The following KMT2A variants were observed in gnomAD, a reference collection of about 807,000 sequenced individuals.
The protein encoded by KMT2A is lysine methyltransferase 2A.
KMT2A carries 16 observed loss-of-function variants against 345.3 expected under a neutral mutation model. The observed-to-expected ratio is 0.05, with a 90% CI of 0.03 to 0.07. KMT2A has a LOEUF of 0.07. KMT2A is among the 10% of genes least tolerant of loss of function. The pLI, the probability that KMT2A is intolerant of heterozygous loss-of-function variation, is 1.00. For missense variants in KMT2A, 3,272 were observed against 4,841.6 expected, an observed-to-expected ratio of 0.68 and a Z score of 9.62; for synonymous variants, 1,599 against 1,778.6, an observed-to-expected ratio of 0.90 and a Z score of 2.54.
rs782655113 is a variant in KMT2A at position 118,503,009 on chromosome 11, C to A, written c.7117C>A (p.Leu2373Ile). Residue 2373 changes from leucine (L) to isoleucine (I), a missense_variant, in exon 27 of 36, where the codon CTC becomes ATC. This residue lies in a region of KMT2A where 445 missense variants were observed against 500.9 expected (regional missense o/e 0.89). Transcript: ENST00000534358. The surrounding 1 kb of genome is among the most constrained non-coding windows in gnomAD (Gnocchi z 5.3). ...TAAAGAGGCCCTCTCCTTCCCACAC[C>A]TCCATTTGAGAGGGCAAAGGAATGA... is the stretch of plus-strand genomic sequence containing the variant. Reference protein sequence around the residue: ...SSKEALSFPHLHLRGQRNDRD... With the variant: ...SSKEALSFPHIHLRGQRNDRD... 1 of 1,614,026 alleles carries A rather than the reference C, an allele frequency of 6.2e-7. No homozygotes were observed. Among genetic ancestry groups the A allele is most frequent in the South Asian group, 1.1e-5 (1 of 91,080 alleles).
intron 11 of KMT2A, 34 bp from the exon 12 acceptor site, chr11:118,489,758 A>G (rs1160782910): frequency 1.3e-6 from 2 of 1,573,618 alleles, no homozygotes; most frequent in African/African-American, 2.7e-5. Context: ...AGGTAATATG[A>G]TGCTTATCTT....
chr11:118,488,823 A>C, intron 11 of KMT2A, 63 bp downstream of exon 11: 1 of 1,496,102 alleles, frequency 6.7e-7, no homozygotes. Flanking sequence ...GTATCCCTGG[A>C]CTCAACCAAC....
Position 118,502,545 on chromosome 11 carries a change from C to T in KMT2A, c.6653C>T (p.Thr2218Ile). The stretch of plus-strand genomic sequence containing the variant: ...CTCCGGATAATGTCTCCAATGAGAA[C>T]TGGGAATACTTACTCTAGGAATAAT... ...SKLRIMSPMR[T>I]GNTYSRNNVS... Residue 2218 changes from threonine to isoleucine, a missense_variant, in exon 27 of 36, where the codon ACT (threonine) becomes ATT (isoleucine). Physicochemically the swap from Thr to Ile is moderately conservative, Grantham distance 89. This residue lies in a region of KMT2A where 445 missense variants were observed against 500.9 expected (regional missense o/e 0.89). Coordinates refer to ENST00000534358, the MANE Select transcript of KMT2A (RefSeq NM_001197104.2). The surrounding 1 kb of genome is among the most constrained non-coding windows in gnomAD (Gnocchi z 4.9). 6.2e-7 allele frequency: 1 copy of T among 1,614,126 alleles called. No homozygotes were observed.
chr11:118,497,894 CATT>C lies in KMT2A; in HGVS notation c.5665-39_5665-37del. ...TAATGCCGAGGAAAACCTCCTTTGG[CATT>C]ATATTCTTTAGGAAAAAAGAAATCT... On this transcript the variant is annotated intron_variant, in intron 20 of 35. Coordinates refer to ENST00000534358, the MANE Select transcript of KMT2A (RefSeq NM_001197104.2). This position sits in a 1 kb window ranked among gnomAD's most constrained non-coding sequence, Gnocchi z 4.8. 6.5e-7 allele frequency: 1 copy of C among 1,529,476 alleles called. No individual in the cohort carries two copies. Among genetic ancestry groups the C allele is most frequent in the Non-Finnish European group, 9.0e-7 (1 of 1,107,100 alleles). The allele number at this position is 1,529,476 out of a possible 1,614,324, so 94.7% of individuals were successfully genotyped here.
Position 118,493,066 on chromosome 11 carries a change from C to T in KMT2A, c.5014C>T (p.Pro1672Ser), listed in dbSNP as rs1555042989. 6.2e-7 allele frequency: 1 copy of T among 1,612,644 alleles called. No individual in the cohort carries two copies. The highest frequency in any genetic ancestry group is 8.5e-7 in the Non-Finnish European group (1 of 1,179,194). The change falls in exon 16 of 36, where the codon CCT becomes TCT. Residue 1672 changes from proline to serine, a missense_variant. Physicochemically the swap from Pro to Ser is moderately conservative, Grantham distance 74. Coordinates refer to ENST00000534358, the MANE Select transcript of KMT2A (RefSeq NM_001197104.2). This position sits in a 1 kb window ranked among gnomAD's most constrained non-coding sequence, Gnocchi z 5.8. ...HLLRYRQAAK[P>S]PDLNPETEES... ...TCTTTCCTGGCAATAGGCTGCCAAG[C>T]CTCCAGACTTAAATCCCGAGACAGA...
chr11:118,452,534 A>C (rs1487556882), intron 1 of KMT2A, among the ~76,000 whole-genome samples: 1 of 152,114 alleles, frequency 6.6e-6, no homozygotes, highest in African/African-American at 2.4e-5. Context: ...CCTGTCTCAA[A>C]AAACAAAACT....
chr11:118,466,076 AT>A (rs1565274402), intron 1 of KMT2A, among the ~76,000 whole-genome samples: 1 of 152,014 alleles, frequency 6.6e-6, no homozygotes, highest in Non-Finnish European at 1.5e-5. Context: ...TTACTTTTAG[AT>A]TTTTTTTAGA....
chr11:118,473,193 G>C lies in KMT2A; in HGVS notation c.2034G>C (p.Leu678Phe). 1 of 1,613,772 alleles carries C rather than the reference G, an allele frequency of 6.2e-7. No individual in the cohort carries two copies. The highest frequency in any genetic ancestry group is 8.5e-7 in the Non-Finnish European group (1 of 1,179,900). ...SASGTAASAR[L>F]FSPLHSGTRF... The stretch of plus-strand genomic sequence containing the variant: ...CTGGTACCGCTGCTTCAGCCCGATT[G>C]TTTTCGCCACTCCATTCTGGAACAA... Residue 678 changes from leucine (L) to phenylalanine (F), a missense_variant, in exon 3 of 36, where the codon TTG (leucine) becomes TTC (phenylalanine). Leu to Phe is a conservative substitution (Grantham distance 22). This residue lies in a region of KMT2A where 114 missense variants were observed against 203.2 expected (regional missense o/e 0.56). Transcript: ENST00000534358. This position sits in a 1 kb window ranked among gnomAD's most constrained non-coding sequence, Gnocchi z 5.2.
At chr11:118,489,543 C>T (rs1330265978) in intron 11 of KMT2A, among the ~76,000 whole-genome samples, 1 of 152,082 alleles carries the variant, frequency 6.6e-6, no homozygotes, top group Non-Finnish European at 1.5e-5. Context: ...TAGCAGAAAA[C>T]ATGATGTTGA....
In KMT2A at chr11:118,436,581, G is replaced by A. The variant is rs782345654; in HGVS notation, c.69G>A (p.Gly23=). The change falls in exon 1 of 36, where the codon GGG becomes GGA. Residue 23 remains glycine (G), a synonymous_variant. Coordinates refer to ENST00000534358, the MANE Select transcript of KMT2A (RefSeq NM_001197104.2). This position sits in a 1 kb window ranked among gnomAD's most constrained non-coding sequence, Gnocchi z 6.9. ...PGTTGGGGGG[G]RRGLGGAPRQ... ...CCACCGGGGGCGGCGGCGGCGGGGG[G>A]CGCCGGGGCCTAGGGGGCGCCCCGC... is the stretch of plus-strand genomic sequence containing the variant. The A allele has an allele frequency of 2.5e-6, 3 of 1,182,776 alleles. No individual in the cohort carries two copies. In the African/African-American group the frequency reaches 4.8e-5, roughly 19 times the overall value. The allele number at this position is 1,182,776 out of a possible 1,614,324, so 73.3% of individuals were successfully genotyped here.
At chr11:118,489,145 C>T (rs1384308442) in intron 11 of KMT2A, among the ~76,000 whole-genome samples, 1 of 139,098 alleles carries the variant, frequency 7.2e-6, no homozygotes, top group African/African-American at 2.7e-5. Flanking sequence ...ATCGCTTGAA[C>T]TTTGGAGGCA....
Position 118,495,616 on chromosome 11 carries a change from C to CA in KMT2A, c.5364-83dup. ...TGTGAATGGCTCCTACATGGGGCAA[C>CA]AGGTGATATCAAGAATTTATTTTAT... On this transcript the variant is annotated intron_variant, in intron 18 of 35. Transcript: ENST00000534358. This position sits in a 1 kb window ranked among gnomAD's most constrained non-coding sequence, Gnocchi z 4.1. 1 of 1,054,720 alleles carries CA rather than the reference C, an allele frequency of 9.5e-7. No individual in the cohort carries two copies. Among genetic ancestry groups the CA allele is most frequent in the East Asian group, 2.6e-5 (1 of 38,624 alleles). 65.3% of individuals were successfully genotyped at this position (1,054,720 alleles called of 1,614,324 possible).
At chr11:118,468,885 TG>T (rs1555034809) in intron 2 of KMT2A, 41 bp downstream of exon 2, 1 of 1,527,846 alleles carries the variant, frequency 6.5e-7, no homozygotes, top group Non-Finnish European at 9.1e-7. Flanking sequence ...AAGTTTTGTT[TG>T]TTAGGAGATT....
chr11:118,486,375 GTT>G (rs11445156), intron 10 of KMT2A, among the ~76,000 whole-genome samples: 1 of 146,624 alleles, frequency 6.8e-6, no homozygotes, highest in Non-Finnish European at 1.5e-5. Context: ...TGTTTCTCTG[GTT>G]TTTTTTTTTT....
chr11:118,502,996 C>G lies in KMT2A; in HGVS notation c.7104C>G (p.Leu2368=), dbSNP rs782220782. The G allele has an allele frequency of 8.1e-6, 13 of 1,614,128 alleles. No homozygotes were observed. The highest frequency in any genetic ancestry group is 1.1e-5 in the Non-Finnish European group (13 of 1,180,024). The change falls in exon 27 of 36, where the codon CTC becomes CTG. Residue 2368 remains leucine (L), a synonymous_variant. Transcript: ENST00000534358. The surrounding 1 kb of genome is among the most constrained non-coding windows in gnomAD (Gnocchi z 4.9). ...SSVSFSSKEA[L]SFPHLHLRGQ... is the part of the protein sequence containing the mutation. Reference sequence around the variant, plus strand: ...TGTCGTTTTCTTCTAAAGAGGCCCTCTCCTTCCCACACCTCCATTTGAGAG... The same window carrying G: ...TGTCGTTTTCTTCTAAAGAGGCCCTGTCCTTCCCACACCTCCATTTGAGAG...
chr11:118,448,299 G>T (rs570289240), intron 1 of KMT2A: 1 of 152,266 alleles, frequency 6.6e-6, no homozygotes, highest in East Asian at 1.9e-4. Flanking sequence ...AATAGCTCTT[G>T]TTAAGGCTGT....
chr11:118,458,851 AT>A lies in KMT2A; in HGVS notation c.433-9921del, dbSNP rs1193660593. 5.3e-5 allele frequency among the ~76,000 whole-genome samples: 8 copies of A among 152,264 alleles called. 1 individual carries two copies. In the South Asian group the frequency reaches 1.2e-3, roughly 24 times the overall value. ...AAGATGCACAGTTTGCCTCCTGGAT[AT>A]TTCTTCAACTTTAGTTGTTCTCAGT... On this transcript the variant is annotated intron_variant, in intron 1 of 35. Transcript: ENST00000534358.
Position 118,490,235 on chromosome 11 carries a change from A to C in KMT2A, c.4682A>C (p.Lys1561Thr), listed in dbSNP as rs1950304009. The C allele has an allele frequency of 6.4e-7, 1 of 1,564,968 alleles. No individual in the cohort carries two copies. Among genetic ancestry groups the C allele is most frequent in the East Asian group, 2.3e-5 (1 of 43,920 alleles). Reference sequence around the variant, plus strand: ...TTCTCACTGTGTCATGATTGCGCCAAGCTCTTTGCTAAAGGTACCCAAAAA... The same window carrying C: ...TTCTCACTGTGTCATGATTGCGCCACGCTCTTTGCTAAAGGTACCCAAAAA... ...HDFSLCHDCA[K>T]LFAKGNFCPL... Residue 1561 changes from lysine to threonine, a missense_variant, in exon 13 of 36, where the codon AAG (lysine) becomes ACG (threonine). By Grantham distance (78) the Lys-to-Thr change is moderately conservative. Transcript: ENST00000534358. The surrounding 1 kb of genome is among the most constrained non-coding windows in gnomAD (Gnocchi z 4.2).
At position 118,510,581 on chromosome 11, in the gene KMT2A, C is replaced by T. The variant is rs563235715; in HGVS notation, c.11071+463C>T. 1.2e-4 allele frequency among the ~76,000 whole-genome samples: 19 copies of T among 152,176 alleles called. No individual in the cohort carries two copies. Among genetic ancestry groups the T allele is most frequent in the Non-Finnish European group, 2.4e-4 (16 of 68,040 alleles). ...AGGTAGCTAAGCCCTCCCTCTCCCT[C>T]CTTTTGAATCTTACATGTTCTTCTC... On this transcript the variant is annotated intron_variant, in intron 30 of 35. Transcript: ENST00000534358. This position sits in a 1 kb window ranked among gnomAD's most constrained non-coding sequence, Gnocchi z 4.1.
Sources: gnomAD v4.1 joint callset for allele counts (sites outside exome capture counted in the v4.1 genomes callset) on GRCh38, gnomAD v4.1.1 for gene constraint, gnomAD v4.1.1 regional missense constraint, Gnocchi (gnomAD v3.1) non-coding constraint, MANE v1.5 for transcripts, NCBI Gene and HGNC (gene_info 2026-07-23, HGNC 2026-07-21) for gene names.